GRIP1: variants seen among roughly 807,000 people sequenced by gnomAD.
GRIP1 encodes glutamate receptor interacting protein 1.
A neutral mutation model predicts 129.9 loss-of-function variants in GRIP1; 45 were observed. The ratio of observed to expected loss-of-function variants is 0.35; its 90% confidence interval spans 0.27 to 0.44. The LOEUF (loss-of-function observed/expected upper bound fraction) is 0.44, where lower values mean the gene tolerates loss of function less well. GRIP1 is among the 20% of genes least tolerant of loss of function. GRIP1 has a pLI of 1.00. For synonymous variants in GRIP1, 530 were observed against 520.8 expected, an observed-to-expected ratio of 1.02 and a Z score of -0.24; for missense variants, 1,196 against 1,396.8, an observed-to-expected ratio of 0.86 and a Z score of 2.29.
intron 4 of GRIP1, among the ~76,000 whole-genome samples, chr12:66,534,150 CAG>C (rs2061542729): frequency 6.6e-6 from 1 of 152,166 alleles, no homozygotes; most frequent in South Asian, 2.1e-4. Flanking sequence ...TAGAAAGAGA[CAG>C]ATTATTCTTG....
intron 2 of GRIP1, among the ~76,000 whole-genome samples, chr12:66,566,710 G>A (rs1009286112): frequency 2.6e-5 from 4 of 152,056 alleles, no homozygotes; most frequent in Non-Finnish European, 4.4e-5. Flanking sequence ...ACCAGCTGTT[G>A]TTTGTATCCC....
chr12:66,929,521 A>AG (rs1480559799), intron 1 of GRIP1, among the ~76,000 whole-genome samples: 5 of 152,182 alleles, frequency 3.3e-5, no homozygotes, highest in African/African-American at 1.2e-4. Context: ...CCAAAATTGG[A>AG]GGTTCACATA....
At chr12:66,829,189 C>T (rs1036502281) in intron 1 of GRIP1, among the ~76,000 whole-genome samples, 4 of 152,130 alleles carry the variant, frequency 2.6e-5, no homozygotes, top group Non-Finnish European at 4.4e-5. Context: ...TGCAATCACA[C>T]ATATTCTTGT....
chr12:66,505,006 G>C (rs368118705), intron 7 of GRIP1, among the ~76,000 whole-genome samples: 2 of 152,066 alleles, frequency 1.3e-5, no homozygotes, highest in African/African-American at 4.8e-5. Context: ...TCCCATGACA[G>C]GCAGAATTTC....
chr12:66,818,381 A>G (rs1337473124), intron 1 of GRIP1, among the ~76,000 whole-genome samples: 4 of 152,214 alleles, frequency 2.6e-5, no homozygotes, highest in African/African-American at 9.6e-5. Flanking sequence ...GTATTTTATT[A>G]TTGGCAACAA....
chr12:66,377,474 C>A (rs1360179281), intron 20 of GRIP1, among the ~76,000 whole-genome samples, 189 bp from the exon 21 acceptor site: 1 of 151,546 alleles, frequency 6.6e-6, no homozygotes, highest in African/African-American at 2.4e-5. Flanking sequence ...ACTACAGGCG[C>A]CTGCCACCAC....
chr12:66,936,448 G>A (rs1005073734), intron 1 of GRIP1, among the ~76,000 whole-genome samples: 9 of 145,782 alleles, frequency 6.2e-5, no homozygotes, highest in African/African-American at 1.0e-4. Context: ...AAAAAAAAAA[G>A]GTGGAGAGAA....
At chr12:66,695,246 C>T (rs2035115534) in intron 1 of GRIP1, among the ~76,000 whole-genome samples, 3 of 151,160 alleles carry the variant, frequency 2.0e-5, no homozygotes, top group Admixed American at 2.0e-4. Context: ...CACTCCTCAA[C>T]TGCTGACCCA....
intron 2 of GRIP1, among the ~76,000 whole-genome samples, chr12:66,571,270 A>G (rs1443501871): frequency 6.6e-6 from 1 of 152,208 alleles, no homozygotes; most frequent in Admixed American, 6.5e-5. Flanking sequence ...TGAGTAAACC[A>G]CCTGCCAAAC....
chr12:66,665,515 GA>G (rs1285649897), intron 1 of GRIP1, among the ~76,000 whole-genome samples: 1 of 152,084 alleles, frequency 6.6e-6, no homozygotes, highest in East Asian at 1.9e-4. Context: ...GATAGATTTG[GA>G]ATGGTTTTGA....
At chr12:66,486,822 A>G (rs563457458) in intron 7 of GRIP1, among the ~76,000 whole-genome samples, 1 of 151,214 alleles carries the variant, frequency 6.6e-6, no homozygotes, top group Admixed American at 6.6e-5. Flanking sequence ...TGAGGGTCTC[A>G]CTCTGTCACC....
chr12:66,446,350 G>A (rs1372745472), intron 11 of GRIP1, among the ~76,000 whole-genome samples: 2 of 151,916 alleles, frequency 1.3e-5, no homozygotes, highest in East Asian at 3.9e-4. Flanking sequence ...TGCTCTCTGT[G>A]AGCACAGCCT....
At chr12:66,916,209 T>A (rs1389140074) in intron 1 of GRIP1, among the ~76,000 whole-genome samples, 1 of 152,194 alleles carries the variant, frequency 6.6e-6, no homozygotes, top group Admixed American at 6.5e-5. Flanking sequence ...TCAAAATTAG[T>A]GGACAAAAAG....
chr12:67,055,799 C>T (rs1466718291), intron 1 of GRIP1, among the ~76,000 whole-genome samples: 11 of 152,158 alleles, frequency 7.2e-5, no homozygotes, highest in Admixed American at 7.2e-4. Flanking sequence ...AGAGACCCCC[C>T]AGAAGCCACT....
At chr12:67,007,491 A>G (rs2042643909) in intron 1 of GRIP1, among the ~76,000 whole-genome samples, 1 of 152,158 alleles carries the variant, frequency 6.6e-6, no homozygotes, top group South Asian at 2.1e-4. Flanking sequence ...CCCCCAAAAA[A>G]CAAAGAATGA....
chr12:66,940,828 G>A (rs1239586755), intron 1 of GRIP1, among the ~76,000 whole-genome samples: 1 of 152,098 alleles, frequency 6.6e-6, no homozygotes, highest in African/African-American at 2.4e-5. Context: ...AAATTCAACA[G>A]GAGAATGTCT....
intron 7 of GRIP1, among the ~76,000 whole-genome samples, chr12:66,470,397 C>T (rs1363090226): frequency 6.6e-6 from 1 of 151,308 alleles, no homozygotes. Context: ...GTTCTCTCTA[C>T]ACAGAATGCC....
chr12:66,762,720 G>A (rs1262163612), intron 1 of GRIP1, among the ~76,000 whole-genome samples: 1 of 152,070 alleles, frequency 6.6e-6, no homozygotes, highest in Non-Finnish European at 1.5e-5. Context: ...CTGCCCTCCA[G>A]GAAACTCATA....
At chr12:66,969,934 T>C (rs771142939) in intron 1 of GRIP1, among the ~76,000 whole-genome samples, 7 of 152,312 alleles carry the variant, frequency 4.6e-5, no homozygotes, top group Non-Finnish European at 1.0e-4. Flanking sequence ...CCTCTGTTCT[T>C]GCATGTTATC....
Sources: allele counts gnomAD v4.1 joint callset (sites outside exome capture counted in the v4.1 genomes callset), GRCh38; gene constraint gnomAD v4.1.1; transcripts MANE v1.5; gene names NCBI Gene and HGNC (gene_info 2026-07-23, HGNC 2026-07-21).